The following KLHDC10 variants were observed in gnomAD, a reference collection of about 807,000 sequenced individuals.
The protein encoded by KLHDC10 is kelch domain containing 10, also known as kelch domain-containing protein 10.
A neutral mutation model predicts 56.1 loss-of-function variants in KLHDC10; 24 were observed. The observed-to-expected ratio is 0.43, with a 90% confidence interval of 0.31 to 0.60. The LOEUF is 0.60. KLHDC10 is among the 20% of genes least tolerant of loss of function. The pLI is 0.11. For missense variants in KLHDC10, 349 were observed against 567.0 expected (o/e 0.62, Z 3.91); for synonymous variants, 188 against 207.1 (o/e 0.91, Z 0.79).
intron 8 of KLHDC10, 111 bp from the exon 9 acceptor site, chr7:130,129,326 G>T: frequency 8.2e-7 from 1 of 1,216,612 alleles, no homozygotes. Flanking sequence ...GTGTCATGGG[G>T]CAATCCACTT....
rs556522004 is a variant in KLHDC10, at chr7:130,079,722, C to T, written c.166+8913C>T. Among the ~76,000 whole-genome samples the T allele has an allele frequency of 8.7e-3, 806 of 93,048 alleles. 4 individuals carry two copies. Among genetic ancestry groups the T allele is most frequent in the African/African-American group, 0.027 (735 of 27,254 alleles). 61.0% of individuals were successfully genotyped at this position (93,048 alleles called of 152,430 possible). On this transcript the variant is annotated intron_variant, in intron 1 of 9. Transcript: ENST00000335420. ...CAAAGCTTGCCTGCCTGCCTGCCTT[C>T]CTGCCTTCCTTCCTTCCTTCCTTTT...
At chr7:130,124,602 C>A (rs369091065) in intron 6 of KLHDC10, 67 bp downstream of exon 6, 10 of 788,488 alleles carry the variant, frequency 1.3e-5, no homozygotes, top group African/African-American at 1.0e-4. Context: ...GTCAACCAAG[C>A]AAGATAATTC....
At chr7:130,101,011 CA>C (rs571614786) in intron 2 of KLHDC10, among the ~76,000 whole-genome samples, 4 of 97,662 alleles carry the variant, frequency 4.1e-5, no homozygotes, top group African/African-American at 6.3e-5. Context: ...AAAAAAAAAA[CA>C]AAAAAAACAG....
At chr7:130,100,888 G>A (rs1795919958) in intron 2 of KLHDC10, among the ~76,000 whole-genome samples, 1 of 151,588 alleles carries the variant, frequency 6.6e-6, no homozygotes, top group Admixed American at 6.6e-5. Context: ...GAAAACAATG[G>A]TTTTTATTAT....
At chr7:130,100,108 T>TAA (rs34550140) in intron 2 of KLHDC10, among the ~76,000 whole-genome samples, 50 of 142,740 alleles carry the variant, frequency 3.5e-4, no homozygotes, top group South Asian at 6.8e-4. Flanking sequence ...CCTGTCTCAT[T>TAA]AAAAAAAAAA....
intron 7 of KLHDC10, among the ~76,000 whole-genome samples, chr7:130,126,556 A>G (rs1796318793): frequency 6.6e-6 from 1 of 151,810 alleles, no homozygotes. Flanking sequence ...TGTACCTGTC[A>G]TCCCAGCTAC....
rs370390128 is a variant in KLHDC10 at position 130,130,505 on chromosome 7, G to A, written c.1120-32G>A. ...CTTCAGCCTTGTATGTTTCTCTCCC[G>A]TTTGAATTTGTCCTCTTTTGACTAC... is the stretch of plus-strand genomic sequence containing the variant. On this transcript the variant is annotated intron_variant, in intron 9 of 9. Transcript: ENST00000335420. The surrounding 1 kb of genome is among the most constrained non-coding windows in gnomAD (Gnocchi z 4.2). 93 of 1,565,696 alleles carry A rather than the reference G, an allele frequency of 5.9e-5. No homozygotes were observed. The highest frequency in any genetic ancestry group is 7.5e-5 in the Non-Finnish European group (85 of 1,136,406).
Position 130,132,824 on chromosome 7 carries a change from G to A in KLHDC10, c.*2078G>A, listed in dbSNP as rs922138415. The stretch of plus-strand genomic sequence containing the variant: ...CAAGCCAGGCTGTCCAGGGTGGCAA[G>A]AGGATTTTTGACCTGGATTTATACA... On this transcript the variant is annotated 3_prime_UTR_variant, in exon 10 of 10. Transcript: ENST00000335420. 1.3e-5 allele frequency: 2 copies of A among 152,250 alleles called. No individual in the cohort carries two copies. Among genetic ancestry groups the A allele is most frequent in the Non-Finnish European group, 2.9e-5 (2 of 68,062 alleles). 9.4% of individuals were successfully genotyped at this position (152,250 alleles called of 1,614,324 possible).
In KLHDC10 at chr7:130,116,979, T is replaced by G. The variant is rs1796176735; in HGVS notation, c.475+313T>G. On this transcript the variant is annotated intron_variant, in intron 3 of 9. Coordinates refer to ENST00000335420, the MANE Select transcript of KLHDC10 (RefSeq NM_014997.4). The surrounding 1 kb of genome is among the most constrained non-coding windows in gnomAD (Gnocchi z 4.8). ...CAAATGGGGCTTATGACGATGACAG[T>G]TAATAGCTGTTGAGCAAAGTACAGG... Among the ~76,000 whole-genome samples the G allele has an allele frequency of 6.6e-6, 1 of 152,112 alleles. No homozygotes were observed. The highest frequency in any genetic ancestry group is 1.9e-4 in the East Asian group (1 of 5,192).
At position 130,134,566 on chromosome 7, in the gene KLHDC10, C is replaced by T. The variant is rs1290556132; in HGVS notation, c.*3820C>T. ...GCTCTTCTATTTTCCAATCACACAG[C>T]TTGGCATGTAGGAAAGGTTGAATGA... On this transcript the variant is annotated 3_prime_UTR_variant, in exon 10 of 10. Coordinates refer to ENST00000335420, the MANE Select transcript of KLHDC10 (RefSeq NM_014997.4). 1.3e-5 allele frequency: 2 copies of T among 152,184 alleles called. No homozygotes were observed. The highest frequency in any genetic ancestry group is 2.9e-5 in the Non-Finnish European group (2 of 68,026). 9.4% of individuals were successfully genotyped at this position (152,184 alleles called of 1,614,324 possible). A position where few individuals can be genotyped will look rare whatever the true frequency, so the allele number is the denominator to read the frequency against.
intron 1 of KLHDC10, among the ~76,000 whole-genome samples, chr7:130,087,751 A>C (rs978260300): frequency 2.6e-5 from 4 of 151,842 alleles, no homozygotes; most frequent in Non-Finnish European, 4.4e-5. Flanking sequence ...TAAAACAGAA[A>C]TATGGAATTT....
In KLHDC10 at chr7:130,131,149, A is replaced by T. The variant is rs1272166571; in HGVS notation, c.*403A>T. The T allele has an allele frequency of 1.9e-5, 3 of 159,674 alleles. No individual in the cohort carries two copies. The highest frequency in any genetic ancestry group is 7.2e-5 in the African/African-American group (3 of 41,564). 9.9% of individuals were successfully genotyped at this position (159,674 alleles called of 1,614,324 possible). ...ACATAAAGAAAAATGAAATTAAAAAATTTTTACATCTAGCAACAGCAACAA... is the reference window on the plus strand; with the variant it reads ...ACATAAAGAAAAATGAAATTAAAAATTTTTTACATCTAGCAACAGCAACAA... On this transcript the variant is annotated 3_prime_UTR_variant, in exon 10 of 10. Coordinates refer to ENST00000335420, the MANE Select transcript of KLHDC10 (RefSeq NM_014997.4).
intron 4 of KLHDC10, among the ~76,000 whole-genome samples, chr7:130,121,237 A>G (rs1430937238): frequency 1.3e-5 from 2 of 152,024 alleles, no homozygotes; most frequent in Non-Finnish European, 2.9e-5. Context: ...GGGCTTCACT[A>G]TGGTCTGGGT....
intron 1 of KLHDC10, among the ~76,000 whole-genome samples, chr7:130,072,558 C>T (rs1795432382): frequency 6.6e-6 from 1 of 152,100 alleles, no homozygotes; most frequent in African/African-American, 2.4e-5. Flanking sequence ...AATTGGGACA[C>T]ATCTGATACC....
intron 1 of KLHDC10, 121 bp downstream of exon 1, chr7:130,070,930 G>C: frequency 1.6e-6 from 1 of 609,642 alleles, no homozygotes; most frequent in Non-Finnish European, 2.4e-6. Flanking sequence ...CATAGCAGAG[G>C]GACTGGGGAT....
chr7:130,124,936 A>C (rs1178095353), intron 6 of KLHDC10, among the ~76,000 whole-genome samples: 2 of 152,178 alleles, frequency 1.3e-5, no homozygotes, highest in Non-Finnish European at 2.9e-5. Flanking sequence ...AACTTGAGAA[A>C]GCTGAGCTCT....
At chr7:130,104,898 CTG>C (rs1795988117) in intron 2 of KLHDC10, among the ~76,000 whole-genome samples, 1 of 152,198 alleles carries the variant, frequency 6.6e-6, no homozygotes, top group Admixed American at 6.5e-5. Context: ...ATCTCCAACA[CTG>C]GGGATTACAA....
At position 130,070,802 on chromosome 7, in the gene KLHDC10, C is replaced by T. The variant is rs1795397213; in HGVS notation, c.159C>T (p.His53=). ...NRFVQLSGRP[H]LPGKKKIRWD... ...TCGTGCAACTCTCCGGGCGGCCGCA[C>T]CTGCCAGGTGAGTCGTGGGACAGGG... Residue 53 remains histidine (H), a synonymous_variant, in exon 1 of 10, where the codon CAC becomes CAT. Transcript: ENST00000335420. The T allele has an allele frequency of 2.3e-6, 3 of 1,306,198 alleles. No individual in the cohort carries two copies. The highest frequency in any genetic ancestry group is 3.1e-5 in the Admixed American group (1 of 32,706). 80.9% of individuals were successfully genotyped at this position (1,306,198 alleles called of 1,614,324 possible).
chr7:130,090,603 AAG>A (rs1417926666), intron 1 of KLHDC10, among the ~76,000 whole-genome samples: 1 of 151,936 alleles, frequency 6.6e-6, no homozygotes, highest in Non-Finnish European at 1.5e-5. Flanking sequence ...AAAAAAAAAA[AAG>A]AGAGAAGGGA....
Sources: gnomAD v4.1 joint callset for allele counts (sites outside exome capture counted in the v4.1 genomes callset) on GRCh38, gnomAD v4.1.1 for gene constraint, Gnocchi (gnomAD v3.1) non-coding constraint, MANE v1.5 for transcripts, NCBI Gene and HGNC (gene_info 2026-07-23, HGNC 2026-07-21) for gene names.